The following MS4A5 variants were observed in gnomAD, a reference collection of about 807,000 sequenced individuals.
MS4A5 encodes membrane spanning 4-domains A5, also known as membrane-spanning 4-domains subfamily A member 5.
A neutral mutation model predicts 18.2 loss-of-function variants in MS4A5; 15 were observed. That is an observed-to-expected ratio of 0.83 (90% CI 0.55 to 1.27). The LOEUF (loss-of-function observed/expected upper bound fraction) is 1.27, where lower values mean the gene tolerates loss of function less well. Ranked by LOEUF, MS4A5 falls within the 50% of genes most tolerant of loss-of-function variation. The pLI is 0.00. For missense variants in MS4A5, 232 were observed against 225.7 expected, an observed-to-expected ratio of 1.03 and a Z score of -0.18; for synonymous variants, 89 against 78.7, an observed-to-expected ratio of 1.13 and a Z score of -0.69.
Position 60,447,630 on chromosome 11 carries a change from T to TC in MS4A5, c.493-18dup. ...AACATCATGACTCTTCATTTTTTTT[T>TC]CTTCTTCTTCTATTACAGGGAATTT... On this transcript the variant is annotated intron_variant, in intron 4 of 4. Transcript: ENST00000300190. 1 of 1,374,508 alleles carries TC rather than the reference T, an allele frequency of 7.3e-7. No homozygotes were observed. The allele number at this position is 1,374,508 out of a possible 1,614,324, so 85.1% of individuals were successfully genotyped here. A position where few individuals can be genotyped will look rare whatever the true frequency, so the allele number is the denominator to read the frequency against.
At chr11:60,431,601 G>A (rs2086048833) in intron 2 of MS4A5, among the ~76,000 whole-genome samples, 1 of 152,126 alleles carries the variant, frequency 6.6e-6, no homozygotes, top group African/African-American at 2.4e-5. Context: ...TGCCTCCATA[G>A]GAAAGGCATC....
At chr11:60,433,458 A>G (rs2086062134) in intron 3 of MS4A5, among the ~76,000 whole-genome samples, 1 of 152,224 alleles carries the variant, frequency 6.6e-6, no homozygotes, top group African/African-American at 2.4e-5. Flanking sequence ...TAAACAGACC[A>G]TGACTTTCAC....
chr11:60,444,223 A>G (rs866405236), intron 4 of MS4A5, among the ~76,000 whole-genome samples: 28 of 152,234 alleles, frequency 1.8e-4, no homozygotes, highest in Non-Finnish European at 3.8e-4. Flanking sequence ...AAATATTAAC[A>G]AAATCAAATT....
intron 4 of MS4A5, among the ~76,000 whole-genome samples, chr11:60,442,194 A>C (rs2086116799): frequency 6.7e-6 from 1 of 148,732 alleles, no homozygotes; most frequent in African/African-American, 2.4e-5. Flanking sequence ...TTTAATTGAC[A>C]GATAAAATTA....
intron 4 of MS4A5, among the ~76,000 whole-genome samples, chr11:60,437,381 C>G (rs1184918891): frequency 2.7e-5 from 4 of 147,854 alleles, no homozygotes; most frequent in Admixed American, 6.9e-5. Flanking sequence ...GCAAAATAAC[C>G]AGCTAACATC....
chr11:60,445,782 TAGTC>T (rs1009042005), intron 4 of MS4A5, among the ~76,000 whole-genome samples: 1 of 152,198 alleles, frequency 6.6e-6, no homozygotes, highest in African/African-American at 2.4e-5. Context: ...AATTCACTAA[TAGTC>T]AGGGAAATGT....
chr11:60,432,795 T>C (rs1308941464), intron 3 of MS4A5, among the ~76,000 whole-genome samples: 1 of 148,764 alleles, frequency 6.7e-6, no homozygotes, highest in East Asian at 2.0e-4. Flanking sequence ...AAAAAAGTAA[T>C]GAGTTACATT....
At chr11:60,443,582 A>G (rs1590835608) in intron 4 of MS4A5, among the ~76,000 whole-genome samples, 1 of 152,024 alleles carries the variant, frequency 6.6e-6, no homozygotes, top group Non-Finnish European at 1.5e-5. Flanking sequence ...TTAAATTTAA[A>G]GAAAATGAAA....
chr11:60,438,500 G>A (rs2086093033), intron 4 of MS4A5, among the ~76,000 whole-genome samples: 1 of 151,776 alleles, frequency 6.6e-6, no homozygotes, highest in Non-Finnish European at 1.5e-5. Flanking sequence ...TTTTTTGAAA[G>A]GATCAACAAA....
chr11:60,438,810 A>T (rs1468230028), intron 4 of MS4A5, among the ~76,000 whole-genome samples: 1 of 136,400 alleles, frequency 7.3e-6, no homozygotes, highest in Non-Finnish European at 1.6e-5. Flanking sequence ...AGAGTCCAGG[A>T]CCAGATGGAT....
chr11:60,436,791 T>C (rs1212529455), intron 4 of MS4A5, among the ~76,000 whole-genome samples: 1 of 135,738 alleles, frequency 7.4e-6, no homozygotes, highest in Non-Finnish European at 1.6e-5. Context: ...CAACTCTACA[T>C]CTGATTGGTG....
chr11:60,440,509 A>G lies in MS4A5; in HGVS notation c.492+6592A>G, dbSNP rs1314167851. On this transcript the variant is annotated intron_variant, in intron 4 of 4. Transcript: ENST00000300190. The stretch of plus-strand genomic sequence containing the variant: ...CAGGCAAGCTACAAAATGGGAGAAA[A>G]TTTTTGCAACCTACTCATCTGACAA... 9.5e-4 allele frequency among the ~76,000 whole-genome samples: 120 copies of G among 126,530 alleles called. 5 individuals carry two copies. The East Asian group carries it at 0.022, about 23-fold the overall frequency. The allele number at this position is 126,530 out of a possible 152,430, so 83.0% of individuals were successfully genotyped here. A position where few individuals can be genotyped will look rare whatever the true frequency, so the allele number is the denominator to read the frequency against.
chr11:60,438,028 G>A (rs2086090461), intron 4 of MS4A5, among the ~76,000 whole-genome samples: 1 of 152,026 alleles, frequency 6.6e-6, no homozygotes, highest in African/African-American at 2.4e-5. Context: ...GGGAAGTAAA[G>A]CTCTCCTCAG....
intron 3 of MS4A5, 139 bp from the exon 4 acceptor site, chr11:60,433,626 T>A (rs2086063154): frequency 4.0e-6 from 3 of 743,390 alleles, no homozygotes; most frequent in Non-Finnish European, 6.6e-6. Context: ...TGTGAAGCAA[T>A]TCGCACAGGA....
intron 4 of MS4A5, among the ~76,000 whole-genome samples, chr11:60,440,546 C>A (rs2086105200): frequency 7.4e-6 from 1 of 134,628 alleles, no homozygotes; most frequent in African/African-American, 2.7e-5. Context: ...GGGCTAATAT[C>A]TAGAATCTAC....
chr11:60,433,267 G>C (rs1482025061), intron 3 of MS4A5, among the ~76,000 whole-genome samples: 1 of 152,274 alleles, frequency 6.6e-6, no homozygotes, highest in South Asian at 2.1e-4. Flanking sequence ...TAAAGTTATA[G>C]ATAAATTATA....
chr11:60,432,180 A>G (rs1477057257), intron 2 of MS4A5, among the ~76,000 whole-genome samples: 1 of 152,234 alleles, frequency 6.6e-6, no homozygotes, highest in Admixed American at 6.5e-5. Context: ...GGTTAAAAAA[A>G]ATGTTCATGT....
chr11:60,434,329 T>C (rs893817756), intron 4 of MS4A5, among the ~76,000 whole-genome samples: 4 of 152,192 alleles, frequency 2.6e-5, no homozygotes, highest in African/African-American at 9.7e-5. Flanking sequence ...GGGGCATTTA[T>C]TTTAGCTGCC....
rs1448772893 is a variant in MS4A5, at chr11:60,432,336, CA to C, written c.283-74del. On this transcript the variant is annotated intron_variant, in intron 2 of 4. Transcript: ENST00000300190. ...AGAAGGCGGGCCTGTAAAAGAAATGCATAGAGGTCTATTCTGTAAGAACTCA... is the reference window on the plus strand; with the variant it reads ...AGAAGGCGGGCCTGTAAAAGAAATGCTAGAGGTCTATTCTGTAAGAACTCA... The C allele has an allele frequency of 4.2e-6, 4 of 946,830 alleles. No homozygotes were observed. In the African/African-American group the frequency reaches 6.7e-5, roughly 16 times the overall value. The allele number at this position is 946,830 out of a possible 1,614,324, so 58.7% of individuals were successfully genotyped here.
Sources: allele counts gnomAD v4.1 joint callset (sites outside exome capture counted in the v4.1 genomes callset), GRCh38; gene constraint gnomAD v4.1.1; transcripts MANE v1.5; gene names NCBI Gene and HGNC (gene_info 2026-07-23, HGNC 2026-07-21).